The following SPG11 variants were observed in gnomAD, a reference collection of about 807,000 sequenced individuals.
SPG11 encodes the protein spatacsin.
SPG11 carries 222 observed loss-of-function variants against 274.0 expected under a neutral mutation model. The observed-to-expected ratio is 0.81, with a 90% CI of 0.73 to 0.91. SPG11 has a LOEUF of 0.91. Ranked by LOEUF, SPG11 falls within the 40% of genes least tolerant of loss-of-function variation. The pLI is 0.00. For missense variants in SPG11, 3,114 were observed against 2,872.7 expected, an observed-to-expected ratio of 1.08 and a Z score of -1.92; for synonymous variants, 1,144 against 1,039.7, an observed-to-expected ratio of 1.10 and a Z score of -1.93.
chr15:44,588,596 C>T (rs1271187787), intron 28 of SPG11: 8 of 412,846 alleles, frequency 1.9e-5, no homozygotes, highest in Non-Finnish European at 4.0e-5. Flanking sequence ...GTTTGCATAG[C>T]TTCAGTGACA....
At chr15:44,601,389 T>C (rs1319610852) in intron 20 of SPG11, among the ~76,000 whole-genome samples, 1 of 151,964 alleles carries the variant, frequency 6.6e-6, no homozygotes, top group Non-Finnish European at 1.5e-5. Context: ...GCCTCCCAAG[T>C]AGCTGGGACC....
intron 4 of SPG11, 90 bp downstream of exon 4, chr15:44,657,003 CTA>C (rs2084958729): frequency 1.8e-6 from 2 of 1,084,104 alleles, no homozygotes; most frequent in Admixed American, 4.8e-5. Flanking sequence ...AAAAGAAACA[CTA>C]GTTAAAAAAA....
At chr15:44,632,732 C>T (rs993594542) in intron 8 of SPG11, among the ~76,000 whole-genome samples, 1 of 151,948 alleles carries the variant, frequency 6.6e-6, no homozygotes, top group African/African-American at 2.4e-5. Flanking sequence ...TGGTCTCAAA[C>T]TCCTAGACTC....
intron 30 of SPG11, among the ~76,000 whole-genome samples, chr15:44,581,802 T>G (rs944531765): frequency 2.6e-5 from 4 of 152,060 alleles, no homozygotes; most frequent in Non-Finnish European, 5.9e-5. Flanking sequence ...GTGGTAAGAT[T>G]CCTCCTACAT....
chr15:44,637,932 G>A (rs1434056024), intron 7 of SPG11, among the ~76,000 whole-genome samples: 1 of 152,180 alleles, frequency 6.6e-6, no homozygotes, highest in Non-Finnish European at 1.5e-5. Context: ...GGGACAAGAT[G>A]TAGAGGTGGA....
intron 10 of SPG11, among the ~76,000 whole-genome samples, chr15:44,628,261 GTAA>G (rs2083959124): frequency 6.6e-6 from 1 of 152,188 alleles, no homozygotes; most frequent in African/African-American, 2.4e-5. Flanking sequence ...ATACTTCTAA[GTAA>G]TAATGTCATA....
chr15:44,649,275 T>C (rs904430465), intron 6 of SPG11, among the ~76,000 whole-genome samples: 1 of 152,146 alleles, frequency 6.6e-6, no homozygotes, highest in African/African-American at 2.4e-5. Flanking sequence ...CATAGCTCAC[T>C]GCAGCCTCAG....
chr15:44,583,595 C>G (rs926587066), intron 30 of SPG11, among the ~76,000 whole-genome samples: 5 of 152,304 alleles, frequency 3.3e-5, no homozygotes, highest in African/African-American at 1.2e-4. Flanking sequence ...AGCTACAAAT[C>G]AGATAGATTC....
chr15:44,598,024 A>G (rs756577779), intron 23 of SPG11, among the ~76,000 whole-genome samples: 12 of 152,226 alleles, frequency 7.9e-5, no homozygotes, highest in Admixed American at 3.3e-4. Context: ...GCTGCTCTCC[A>G]TCTCTTGGTA....
At chr15:44,619,720 GAT>G (rs1491113261) in intron 15 of SPG11, among the ~76,000 whole-genome samples, 2 of 147,794 alleles carry the variant, frequency 1.4e-5, no homozygotes, top group African/African-American at 5.1e-5. Context: ...AAATGCATAT[GAT>G]TTTTTTTTTT....
chr15:44,631,965 C>T (rs1270353195), intron 8 of SPG11, among the ~76,000 whole-genome samples: 2 of 151,622 alleles, frequency 1.3e-5, no homozygotes, highest in South Asian at 2.1e-4. Flanking sequence ...CACACCACCA[C>T]GCACAGCTAA....
Position 44,633,635 on chromosome 15 carries a change from G to T in SPG11, c.1605C>A (p.Ala535=), listed in dbSNP as rs117683234. The change falls in exon 8 of 40, where the codon GCC becomes GCA. Residue 535 remains alanine (A), a splice_region_variant and synonymous_variant. Transcript: ENST00000261866. ...TGTCCAGCTGACGATTTTCTATCCC[G>T]GCCTGAAATGAGGAGGAAAATAAAA... ...RCSIPIHALE[A]GIENRQLDTV... The T allele has an allele frequency of 1.2e-6, 2 of 1,612,788 alleles. No homozygotes were observed. Among genetic ancestry groups the T allele is most frequent in the Non-Finnish European group, 1.7e-6 (2 of 1,179,624 alleles).
intron 8 of SPG11, among the ~76,000 whole-genome samples, chr15:44,631,971 G>A (rs1189216910): frequency 1.3e-5 from 2 of 150,974 alleles, no homozygotes; most frequent in Admixed American, 6.6e-5. Context: ...ACCACGCACA[G>A]CTAATTTTTA....
chr15:44,603,878 TTTC>T (rs2083255953), intron 20 of SPG11, among the ~76,000 whole-genome samples: 1 of 152,206 alleles, frequency 6.6e-6, no homozygotes, highest in African/African-American at 2.4e-5. Context: ...TTCTATTGTT[TTTC>T]TTTTTTTTAA....
Position 44,588,664 on chromosome 15 carries a change from T to C in SPG11, c.4906+588A>G, listed in dbSNP as rs142129727. On this transcript the variant is annotated intron_variant, in intron 28 of 39. Transcript: ENST00000261866. ...CTTTAGTTGATAGCAAAAAAGCAAA[T>C]AACAAGGGAATGTGGGGAAGTATAT... 1.8e-3 allele frequency: 788 copies of C among 432,812 alleles called. 6 individuals carry two copies. Among genetic ancestry groups the C allele is most frequent in the African/African-American group, 0.015 (733 of 49,152 alleles). The allele number at this position is 432,812 out of a possible 1,614,324, so 26.8% of individuals were successfully genotyped here.
In SPG11 at chr15:44,598,334, G is replaced by A. The variant is rs757630877; in HGVS notation, c.3932C>T (p.Thr1311Ile). 5.0e-5 allele frequency: 81 copies of A among 1,613,730 alleles called. No individual in the cohort carries two copies. The South Asian group carries it at 8.8e-4, about 18-fold the overall frequency. ...LSKLADGEKT[T>I]TEELLVLLEE... ...TAAGAGAACAAGCAATTCTTCTGTG[G>A]TTGTCTTTTCACCATCAGCTAGTTT... The change falls in exon 23 of 40, where the codon ACC (threonine) becomes ATC (isoleucine). Residue 1311 changes from threonine to isoleucine, a missense_variant. Physicochemically the swap from Thr to Ile is moderately conservative, Grantham distance 89. Coordinates refer to ENST00000261866, the MANE Select transcript of SPG11 (RefSeq NM_025137.4).
At chr15:44,598,217 G>T in intron 23 of SPG11, 48 bp downstream of exon 23, 2 of 1,397,814 alleles carry the variant, frequency 1.4e-6, no homozygotes, top group South Asian at 1.2e-5. Flanking sequence ...AACACAGGTT[G>T]GCACAATAAG....
chr15:44,653,937 C>A (rs1566828721), intron 4 of SPG11, among the ~76,000 whole-genome samples: 2 of 152,010 alleles, frequency 1.3e-5, no homozygotes, highest in Non-Finnish European at 2.9e-5. Flanking sequence ...TTTAAACTCA[C>A]AAATGAACCA....
At chr15:44,626,753 G>A (rs1026866566) in intron 10 of SPG11, among the ~76,000 whole-genome samples, 1 of 152,046 alleles carries the variant, frequency 6.6e-6, no homozygotes, top group African/African-American at 2.4e-5. Context: ...AGTAACCCAG[G>A]GTGCTAGAGA....
Sources: allele counts gnomAD v4.1 joint callset (sites outside exome capture counted in the v4.1 genomes callset), GRCh38; gene constraint gnomAD v4.1.1; transcripts MANE v1.5; gene names NCBI Gene and HGNC (gene_info 2026-07-23, HGNC 2026-07-21).